ZNF638: variants seen among roughly 807,000 people sequenced by gnomAD.
ZNF638 encodes the protein zinc finger protein 638.
ZNF638 carries 46 observed loss-of-function variants against 195.6 expected under a neutral mutation model. The ratio of observed to expected loss-of-function variants is 0.24; its 90% CI spans 0.19 to 0.30. The LOEUF is 0.30. Ranked by LOEUF, ZNF638 falls within the 10% of genes least tolerant of loss-of-function variation. The pLI, the probability that ZNF638 is intolerant of heterozygous loss-of-function variation, is 1.00. For synonymous variants in ZNF638, 845 were observed against 772.0 expected, an observed-to-expected ratio of 1.09 and a Z score of -1.57; for missense variants, 2,440 against 2,325.3, an observed-to-expected ratio of 1.05 and a Z score of -1.01.
In ZNF638 at chr2:71,406,274, C is replaced by T; in HGVS notation, c.3135+12C>T. On this transcript the variant is annotated intron_variant, in intron 19 of 27. Coordinates refer to ENST00000264447, the MANE Select transcript of ZNF638 (RefSeq NM_014497.5). ...GTAATAGAAACAAGGTAACAAGTTC[C>T]CTCATAATTTAGCTATTCATTCTGT... 1 of 1,607,596 alleles carries T rather than the reference C, an allele frequency of 6.2e-7. No individual in the cohort carries two copies. Among genetic ancestry groups the T allele is most frequent in the South Asian group, 1.1e-5 (1 of 90,862 alleles).
chr2:71,371,247 A>G (rs974892229), intron 8 of ZNF638, among the ~76,000 whole-genome samples: 3 of 152,094 alleles, frequency 2.0e-5, no homozygotes, highest in African/African-American at 4.8e-5. Context: ...TCATGTGTTG[A>G]TGGACACTTA....
intron 3 of ZNF638, among the ~76,000 whole-genome samples, chr2:71,357,333 T>C (rs971655749): frequency 6.6e-6 from 1 of 152,182 alleles, no homozygotes; most frequent in Non-Finnish European, 1.5e-5. Context: ...CCTGGATCTT[T>C]TGCACTAAGA....
In ZNF638 at chr2:71,423,826, G is replaced by A; in HGVS notation, c.4312G>A (p.Gly1438Ser). ...AEKKLSAKEF[G>S]LLKPTSARSG... is the part of the protein sequence containing the mutation. ...AAAGAAACTTTCAGCCAAGGAATTT[G>A]GTCTGCTTAAACCCACAAGTGCCAG... Residue 1438 changes from glycine (G) to serine (S), a missense_variant, in exon 22 of 28, where the codon GGT becomes AGT. Transcript: ENST00000264447. 1 of 1,614,078 alleles carries A rather than the reference G, an allele frequency of 6.2e-7. No homozygotes were observed. The highest frequency in any genetic ancestry group is 1.1e-5 in the South Asian group (1 of 91,080).
At chr2:71,434,504 A>G (rs2080728335) in intron 27 of ZNF638, among the ~76,000 whole-genome samples, 1 of 152,168 alleles carries the variant, frequency 6.6e-6, no homozygotes, top group Non-Finnish European at 1.5e-5. Flanking sequence ...TTTATTGTAT[A>G]AAAGATTCTA....
At chr2:71,390,407 C>G (rs181753547) in intron 10 of ZNF638, among the ~76,000 whole-genome samples, 1 of 152,296 alleles carries the variant, frequency 6.6e-6, no homozygotes, top group East Asian at 1.9e-4. Context: ...GCCTCCAGAA[C>G]AGTGGGATTG....
chr2:71,341,707 CA>C (rs1298396841), intron 1 of ZNF638: 2 of 152,130 alleles, frequency 1.3e-5, no homozygotes, highest in African/African-American at 2.4e-5. Flanking sequence ...TTCGTTTTTC[CA>C]GGTTATTTAT....
In ZNF638 at chr2:71,365,593, A is replaced by G. The variant is rs34205800; in HGVS notation, c.1882A>G (p.Ser628Gly). 2.4e-4 allele frequency: 387 copies of G among 1,614,184 alleles called. No homozygotes were observed. The African/African-American group carries it at 4.3e-3, about 18-fold the overall frequency. The change falls in exon 6 of 28, where the codon AGT becomes GGT. Residue 628 changes from serine to glycine, a missense_variant. Ser to Gly is a moderately conservative substitution (Grantham distance 56). Transcript: ENST00000264447. ...AGTTAAACCTACAAGCGCTACAAAG[A>G]GTGATTCAAATCTAGGAGGACATTC... ...PSVKPTSATK[S>G]DSNLGGHSIR... is the part of the protein sequence containing the mutation.
At position 71,349,276 on chromosome 2, in the gene ZNF638, C is replaced by A. The variant is rs1378115720; in HGVS notation, c.322C>A (p.Pro108Thr). The change falls in exon 2 of 28, where the codon CCT (proline) becomes ACT (threonine). Residue 108 changes from proline (P) to threonine (T), a missense_variant. This residue lies in a region of ZNF638 where 191 missense variants were observed against 173.8 expected (regional missense o/e 1.10). Transcript: ENST00000264447. ...KPHGSRWDDE[P>T]HISASVAVKQ... ...TCATGGTAGCCGGTGGGATGATGAG[C>A]CTCATATATCTGCATCAGTGGCAGT... The A allele has an allele frequency of 6.2e-7, 1 of 1,614,002 alleles. No individual in the cohort carries two copies. Among genetic ancestry groups the A allele is most frequent in the Non-Finnish European group, 8.5e-7 (1 of 1,180,022 alleles).
At chr2:71,353,372 G>A (rs1029028971) in intron 2 of ZNF638, among the ~76,000 whole-genome samples, 3 of 152,176 alleles carry the variant, frequency 2.0e-5, no homozygotes, top group African/African-American at 7.2e-5. Context: ...AGAATAGTGA[G>A]TGAGCCCTGA....
chr2:71,351,314 T>C (rs1368296753), intron 2 of ZNF638, among the ~76,000 whole-genome samples: 2 of 152,230 alleles, frequency 1.3e-5, no homozygotes, highest in Admixed American at 1.3e-4. Context: ...TTAGATCTGT[T>C]GGTATTTTCT....
chr2:71,423,329 C>T lies in ZNF638; in HGVS notation c.3815C>T (p.Ser1272Leu), dbSNP rs746573438. Residue 1272 changes from serine to leucine, a missense_variant, in exon 22 of 28, where the codon TCG becomes TTG. Ser to Leu is a moderately radical substitution (Grantham distance 145). This residue lies in a region of ZNF638 where 1,883 missense variants were observed against 1,739.1 expected (regional missense o/e 1.08). Transcript: ENST00000264447. ...GAAGTAGAAAAAAATGAAACTGTTT[C>T]GGAAATATTGCCATCAACTTGTATT... The part of the protein sequence containing the change: ...VAEVEKNETV[S>L]EILPSTCIVT... 9.3e-6 allele frequency: 15 copies of T among 1,613,738 alleles called. No homozygotes were observed. Among genetic ancestry groups the T allele is most frequent in the Middle Eastern group, 1.6e-4 (1 of 6,062 alleles).
At position 71,423,377 on chromosome 2, in the gene ZNF638, C is replaced by T; in HGVS notation, c.3863C>T (p.Pro1288Leu). The change falls in exon 22 of 28, where the codon CCC (proline) becomes CTC (leucine). Residue 1288 changes from proline to leucine, a missense_variant. Coordinates refer to ENST00000264447, the MANE Select transcript of ZNF638 (RefSeq NM_014497.5). ...TCIVTLVPGI[P>L]TGDEKTVDKK... ...ATTGTGACGTTAGTACCAGGAATTC[C>T]CACTGGGGATGAGAAGACAGTGGAC... The T allele has an allele frequency of 6.2e-7, 1 of 1,613,706 alleles. No homozygotes were observed. Among genetic ancestry groups the T allele is most frequent in the African/African-American group, 1.3e-5 (1 of 74,934 alleles).
At chr2:71,393,884 A>G in intron 10 of ZNF638, among the ~76,000 whole-genome samples, 1 of 152,096 alleles carries the variant, frequency 6.6e-6, no homozygotes. Context: ...AACACTACAT[A>G]TCACTCCATT....
At chr2:71,410,311 G>T (rs775089333) in intron 20 of ZNF638, among the ~76,000 whole-genome samples, 2 of 152,108 alleles carry the variant, frequency 1.3e-5, no homozygotes, top group Non-Finnish European at 2.9e-5. Context: ...TCAGCCTCCA[G>T]AGTAGACTAT....
chr2:71,383,921 T>G (rs1211538913), intron 10 of ZNF638, among the ~76,000 whole-genome samples: 1 of 151,794 alleles, frequency 6.6e-6, no homozygotes, highest in Admixed American at 6.6e-5. Context: ...GGTGATTTCT[T>G]TCCTGTCAGT....
chr2:71,359,405 G>T (rs72911405), intron 3 of ZNF638, among the ~76,000 whole-genome samples: 1 of 152,192 alleles, frequency 6.6e-6, no homozygotes, highest in Admixed American at 6.5e-5. Flanking sequence ...CCCGCTCTGA[G>T]GGAAGGAGGG....
At chr2:71,411,758 G>T (rs1192417505) in intron 20 of ZNF638, among the ~76,000 whole-genome samples, 1 of 59,168 alleles carries the variant, frequency 1.7e-5, no homozygotes. Context: ...AGTTTACTGA[G>T]AATGATGGTT....
At chr2:71,357,978 G>A (rs2079051687) in intron 3 of ZNF638, among the ~76,000 whole-genome samples, 1 of 152,030 alleles carries the variant, frequency 6.6e-6, no homozygotes, top group Admixed American at 6.6e-5. Flanking sequence ...TTTCTATTTA[G>A]AGTCCAGAAG....
intron 27 of ZNF638, 84 bp downstream of exon 27, chr2:71,433,367 C>T: frequency 1.0e-6 from 1 of 986,994 alleles, no homozygotes; most frequent in East Asian, 2.4e-5. Context: ...CGTACATTTC[C>T]CCCCGCTTTA....
Sources: gnomAD v4.1 joint callset for allele counts (sites outside exome capture counted in the v4.1 genomes callset) on GRCh38, gnomAD v4.1.1 for gene constraint, gnomAD v4.1.1 regional missense constraint, MANE v1.5 for transcripts, NCBI Gene and HGNC (gene_info 2026-07-23, HGNC 2026-07-21) for gene names.